FAM193A: variants seen among roughly 807,000 people sequenced by gnomAD.
FAM193A encodes the protein family with sequence similarity 193 member A.
FAM193A carries 22 observed loss-of-function variants against 126.5 expected under a neutral mutation model. The observed-to-expected ratio is 0.17, with a 90% CI of 0.12 to 0.25. FAM193A has a LOEUF of 0.25. Among genes scored for constraint, FAM193A ranks in the 10% least tolerant of loss-of-function variants. FAM193A has a pLI of 1.00. For missense variants in FAM193A, 1,675 were observed against 1,672.8 expected (o/e 1.00, Z -0.02); for synonymous variants, 761 against 646.8 (o/e 1.18, Z -2.68).
chr4:2,575,012 C>T (rs1739504664), intron 1 of FAM193A, among the ~76,000 whole-genome samples: 1 of 152,174 alleles, frequency 6.6e-6, no homozygotes. Context: ...TCTTCCTCTT[C>T]CTCTTTCTCC....
At chr4:2,621,402 A>G (rs1261848917) in intron 2 of FAM193A, among the ~76,000 whole-genome samples, 1 of 152,172 alleles carries the variant, frequency 6.6e-6, no homozygotes. Context: ...TCTACAGTCT[A>G]CCAGAAGCCA....
At chr4:2,694,881 C>T in intron 16 of FAM193A, 65 bp from the exon 17 acceptor site, 1 of 1,408,516 alleles carries the variant, frequency 7.1e-7, no homozygotes, top group Non-Finnish European at 9.7e-7. Flanking sequence ...TGGTCATGTG[C>T]AACAATGTGA....
chr4:2,666,224 T>A (rs993944858), intron 12 of FAM193A, among the ~76,000 whole-genome samples: 3 of 152,238 alleles, frequency 2.0e-5, no homozygotes, highest in Non-Finnish European at 4.4e-5. Flanking sequence ...TATTGAATAT[T>A]GAATTGTTCA....
At chr4:2,668,551 C>A (rs1406910901) in intron 12 of FAM193A, among the ~76,000 whole-genome samples, 1 of 152,174 alleles carries the variant, frequency 6.6e-6, no homozygotes, top group East Asian at 1.9e-4. Flanking sequence ...CTCCAGATTA[C>A]TACTGACTTA....
Position 2,576,289 on chromosome 4 carries a change from G to A in FAM193A, c.256-19795G>A, listed in dbSNP as rs113104723. Among the ~76,000 whole-genome samples the A allele has an allele frequency of 7.8e-3, 1,189 of 152,054 alleles. 17 individuals carry two copies. Among genetic ancestry groups the A allele is most frequent in the African/African-American group, 0.027 (1,137 of 41,466 alleles). Reference sequence around the variant, plus strand: ...ATTCTTTTGTAATTTTAGTGGAGACGGGGTTTCACTATGTTGGCCAGGCTG... The same window carrying A: ...ATTCTTTTGTAATTTTAGTGGAGACAGGGTTTCACTATGTTGGCCAGGCTG... On this transcript the variant is annotated intron_variant, in intron 1 of 20. Coordinates refer to ENST00000637812, the MANE Select transcript of FAM193A (RefSeq NM_001366318.2).
At chr4:2,581,333 A>G (rs1255648500) in intron 1 of FAM193A, among the ~76,000 whole-genome samples, 2 of 148,626 alleles carry the variant, frequency 1.3e-5, no homozygotes, top group Non-Finnish European at 3.0e-5. Context: ...GGCTCACTGC[A>G]ACCTCCGCCT....
intron 10 of FAM193A, among the ~76,000 whole-genome samples, chr4:2,662,275 A>C (rs949305850): frequency 1.3e-5 from 2 of 152,226 alleles, no homozygotes; most frequent in African/African-American, 4.8e-5. Context: ...TTTAATTACG[A>C]TCATGAGTGA....
intron 1 of FAM193A, among the ~76,000 whole-genome samples, chr4:2,556,935 T>C (rs959269867): frequency 2.0e-5 from 3 of 152,180 alleles, no homozygotes; most frequent in African/African-American, 7.2e-5. Flanking sequence ...AAACTTTTTA[T>C]TTTAGAATAA....
intron 1 of FAM193A, among the ~76,000 whole-genome samples, chr4:2,558,273 GA>G (rs527575996): frequency 0.015 from 1,510 of 103,060 alleles, 21 homozygotes; most frequent in African/African-American, 0.041. Flanking sequence ...CATCTCAAAT[GA>G]AAAAAAAAAA....
At chr4:2,577,077 G>A (rs996931978) in intron 1 of FAM193A, among the ~76,000 whole-genome samples, 10 of 152,142 alleles carry the variant, frequency 6.6e-5, no homozygotes, top group African/African-American at 2.4e-4. Flanking sequence ...GTTGATATGA[G>A]GACTAAAACA....
At chr4:2,626,267 C>G (rs1261718851) in intron 3 of FAM193A, 143 bp from the exon 4 acceptor site, 12 of 619,532 alleles carry the variant, frequency 1.9e-5, no homozygotes, top group Non-Finnish European at 3.5e-5. Flanking sequence ...CCATCACCCC[C>G]CTGCACTGAC....
chr4:2,535,654 ACGCAAGCCCTTATTTCTGAT>A (rs200028417), upstream of FAM193A, among the ~76,000 whole-genome samples: 6,038 of 152,190 alleles, frequency 0.04, 160 homozygotes, highest in Non-Finnish European at 0.065. Flanking sequence ...GAGGGTCCAG[ACGCAAGCCCTTATTTCTGAT>A]CTGGACGTCT....
rs1157277175 is a variant in FAM193A at position 2,702,615 on chromosome 4, C to A, written c.4372+2071C>A. 2.0e-5 allele frequency among the ~76,000 whole-genome samples: 3 copies of A among 152,180 alleles called. No homozygotes were observed. The East Asian group carries it at 5.8e-4, about 29-fold the overall frequency. On this transcript the variant is annotated intron_variant, in intron 19 of 20. Coordinates refer to ENST00000637812, the MANE Select transcript of FAM193A (RefSeq NM_001366318.2). ...GTGAGTTCCCACAGATATCCCAGCC[C>A]CACTCCTGTGCTACAGTGAGCGTTC...
At chr4:2,700,609 G>C (rs1717610485) in intron 19 of FAM193A, 65 bp downstream of exon 19, 1 of 1,546,770 alleles carries the variant, frequency 6.5e-7, no homozygotes. Flanking sequence ...TGATGTGCTA[G>C]TATAGGAAAA....
At chr4:2,689,255 G>A (rs931972682) in intron 13 of FAM193A, among the ~76,000 whole-genome samples, 2 of 152,210 alleles carry the variant, frequency 1.3e-5, no homozygotes, top group East Asian at 3.8e-4. Context: ...GTTGTCTAAA[G>A]TTTGTTCAGA....
chr4:2,575,390 G>A (rs184025984), intron 1 of FAM193A, among the ~76,000 whole-genome samples: 7 of 151,996 alleles, frequency 4.6e-5, no homozygotes, highest in African/African-American at 1.4e-4. Context: ...TAGGGAAATC[G>A]TTTTGAAGAT....
At chr4:2,633,079 C>T (rs530326003) in intron 5 of FAM193A, among the ~76,000 whole-genome samples, 1 of 152,314 alleles carries the variant, frequency 6.6e-6, no homozygotes, top group South Asian at 2.1e-4. Context: ...GAGCAAATTC[C>T]TAGCAGTTGA....
intron 4 of FAM193A, 91 bp downstream of exon 4, chr4:2,626,668 T>G (rs574923766): frequency 1.1e-5 from 7 of 634,088 alleles, no homozygotes; most frequent in Non-Finnish European, 2.0e-5. Context: ...GGGCTTTCCT[T>G]ACAGTGCTCA....
chr4:2,722,341 TAGAG>T, intron 20 of FAM193A, among the ~76,000 whole-genome samples: 1 of 152,100 alleles, frequency 6.6e-6, no homozygotes, highest in East Asian at 1.9e-4. Context: ...CCTGGGACCT[TAGAG>T]AGCAGCGTGA....
Sources: gnomAD v4.1 joint callset for allele counts (sites outside exome capture counted in the v4.1 genomes callset) on GRCh38, gnomAD v4.1.1 for gene constraint, MANE v1.5 for transcripts, NCBI Gene and HGNC (gene_info 2026-07-23, HGNC 2026-07-21) for gene names.